The following CFLAR variants were observed in gnomAD, a reference collection of about 807,000 sequenced individuals.
CFLAR encodes CASP8 and FADD-like apoptosis regulator.
In CFLAR, 14 loss-of-function variants were observed where a neutral mutation model predicts 51.1. That is an observed-to-expected ratio of 0.27 (90% CI 0.18 to 0.43). CFLAR has a LOEUF of 0.43. Among genes scored for constraint, CFLAR ranks in the 20% least tolerant of loss-of-function variants. The pLI, the probability that CFLAR is intolerant of heterozygous loss-of-function variation, is 1.00. For missense variants in CFLAR, 390 were observed against 566.5 expected (o/e 0.69, Z 3.16); for synonymous variants, 210 against 211.6 (o/e 0.99, Z 0.06).
rs1943905711 is a variant in CFLAR, at chr2:201,169,847, A to T, written c.*5874A>T. ...ACATTTATGTGGCCAACAAACATAT[A>T]AAAAAAAGCTCAACCTTACTGATCA... On this transcript the variant is annotated 3_prime_UTR_variant, in exon 10 of 10. Transcript: ENST00000309955. 1.3e-5 allele frequency: 2 copies of T among 152,036 alleles called. No homozygotes were observed. 9.4% of individuals were successfully genotyped at this position (152,036 alleles called of 1,614,324 possible).
At position 201,149,757 on chromosome 2, in the gene CFLAR, A is replaced by G. The variant is rs1940932217; in HGVS notation, c.715A>G (p.Ile239Val). ...CATTTCTTGTCTTCCTTTCCAGAGC[A>G]TACCTGAAGAGAGATACAAGATGAA... is the stretch of plus-strand genomic sequence containing the variant. ...QESEAFLPQS[I>V]PEERYKMKSK... The change falls in exon 8 of 10, where the codon ATA becomes GTA. Residue 239 changes from isoleucine to valine, a missense_variant. This residue lies in a region of CFLAR where 287 missense variants were observed against 363.6 expected (regional missense o/e 0.79). Transcript: ENST00000309955. The G allele has an allele frequency of 6.2e-7, 1 of 1,611,896 alleles. No individual in the cohort carries two copies. The highest frequency in any genetic ancestry group is 8.5e-7 in the Non-Finnish European group (1 of 1,178,148).
intron 1 of CFLAR, chr2:201,122,575 T>TC (rs1167132264): frequency 6.6e-6 from 1 of 152,174 alleles, no homozygotes; most frequent in African/African-American, 2.4e-5. Flanking sequence ...AGCCTATCTA[T>TC]CCCCAAGGAC....
intron 1 of CFLAR, among the ~76,000 whole-genome samples, chr2:201,127,317 G>A (rs1474288538): frequency 1.3e-5 from 2 of 152,182 alleles, no homozygotes; most frequent in Non-Finnish European, 2.9e-5. Flanking sequence ...CTCAGGCAGG[G>A]TGGAGTTGGT....
At chr2:201,158,707 T>TACC (rs1389750298) in intron 8 of CFLAR, among the ~76,000 whole-genome samples, 7 of 152,144 alleles carry the variant, frequency 4.6e-5, no homozygotes, top group Admixed American at 6.5e-5. Context: ...AGGCCTCTTC[T>TACC]ACCACACAGA....
rs530708607 is a variant in CFLAR, at chr2:201,170,955, A to G, written c.*6982A>G. The G allele has an allele frequency of 6.6e-6, 1 of 152,392 alleles. No individual in the cohort carries two copies. Among genetic ancestry groups the G allele is most frequent in the South Asian group, 2.1e-4 (1 of 4,828 alleles). The allele number at this position is 152,392 out of a possible 1,614,324, so 9.4% of individuals were successfully genotyped here. ...TACTCAATATTAATTACTTACAAAT[A>G]ACCTCACCTAAACACTACTCAGCCA... On this transcript the variant is annotated 3_prime_UTR_variant, in exon 10 of 10. Coordinates refer to ENST00000309955, the MANE Select transcript of CFLAR (RefSeq NM_003879.7).
At chr2:201,136,776 A>G (rs1267451884) in intron 4 of CFLAR, 10 of 363,580 alleles carry the variant, frequency 2.8e-5, no homozygotes, top group Non-Finnish European at 4.6e-5. Flanking sequence ...TCAAAAACAG[A>G]AGAGCATTTA....
At chr2:201,123,125 A>G (rs1426009113) in intron 1 of CFLAR, among the ~76,000 whole-genome samples, 1 of 152,180 alleles carries the variant, frequency 6.6e-6, no homozygotes, top group African/African-American at 2.4e-5. Context: ...CCATGTTTCT[A>G]TATCCAATTA....
chr2:201,125,982 A>G (rs1476367438), intron 1 of CFLAR, among the ~76,000 whole-genome samples: 1 of 152,042 alleles, frequency 6.6e-6, no homozygotes, highest in African/African-American at 2.4e-5. Context: ...GTCAGGAGGG[A>G]AAAAGGCCAG....
Position 201,175,102 on chromosome 2 carries a change from G to C in CFLAR, c.*11129G>C, listed in dbSNP as rs1944149926. 6.6e-6 allele frequency: 1 copy of C among 152,208 alleles called. No individual in the cohort carries two copies. The highest frequency in any genetic ancestry group is 2.4e-5 in the African/African-American group (1 of 41,440). 9.4% of individuals were successfully genotyped at this position (152,208 alleles called of 1,614,324 possible). A position where few individuals can be genotyped will look rare whatever the true frequency, so the allele number is the denominator to read the frequency against. Reference sequence around the variant, plus strand: ...TCTTTCCTGGAAAACTCATGAATAAGCCACCTCTTGTTTAGCGTATAGTCA... The same window carrying C: ...TCTTTCCTGGAAAACTCATGAATAACCCACCTCTTGTTTAGCGTATAGTCA... On this transcript the variant is annotated 3_prime_UTR_variant, in exon 10 of 10. Coordinates refer to ENST00000309955, the MANE Select transcript of CFLAR (RefSeq NM_003879.7).
chr2:201,158,852 C>CATTATT (rs61427822), intron 8 of CFLAR, among the ~76,000 whole-genome samples: 3,579 of 139,578 alleles, frequency 0.026, 72 homozygotes, highest in Middle Eastern at 0.056. Flanking sequence ...TTGCCCTCAT[C>CATTATT]ATTATTATTA....
intron 4 of CFLAR, 50 bp downstream of exon 4, chr2:201,136,157 G>A (rs1267874136): frequency 6.2e-7 from 1 of 1,612,628 alleles, no homozygotes; most frequent in African/African-American, 1.3e-5. Context: ...CTGTGCATGG[G>A]GGTGGGCATC....
At chr2:201,125,825 C>T (rs1198935493) in intron 1 of CFLAR, among the ~76,000 whole-genome samples, 2 of 152,116 alleles carry the variant, frequency 1.3e-5, no homozygotes, top group Non-Finnish European at 2.9e-5. Context: ...TCTCTTCTCC[C>T]TTCCTTCGGA....
At position 201,130,359 on chromosome 2, in the gene CFLAR, T is replaced by TC. The variant is rs748796187; in HGVS notation, c.281+213_281+214insC. On this transcript the variant is annotated intron_variant, in intron 2 of 9. Coordinates refer to ENST00000309955, the MANE Select transcript of CFLAR (RefSeq NM_003879.7). ...GCTTTCTTTTTCTTTCTTTCTTTTT[T>TC]TTTTTTTTTTTTTTTTTTTTGAGAC... is the stretch of plus-strand genomic sequence containing the variant. 7.3e-4 allele frequency among the ~76,000 whole-genome samples: 91 copies of TC among 124,442 alleles called. 2 individuals are homozygous for TC. The highest frequency in any genetic ancestry group is 9.2e-4 in the Non-Finnish European group (55 of 59,570). 81.6% of individuals were successfully genotyped at this position (124,442 alleles called of 152,430 possible). A position where few individuals can be genotyped will look rare whatever the true frequency, so the allele number is the denominator to read the frequency against.
intron 8 of CFLAR, among the ~76,000 whole-genome samples, chr2:201,154,919 G>T (rs967505010): frequency 2.0e-5 from 3 of 152,262 alleles, no homozygotes; most frequent in Non-Finnish European, 2.9e-5. Context: ...ATGAAATAAG[G>T]TTATTCTTTG....
intron 9 of CFLAR, chr2:201,163,087 C>A: frequency 1.3e-6 from 1 of 751,986 alleles, no homozygotes; most frequent in South Asian, 1.4e-5. Flanking sequence ...ATAGGATGGT[C>A]ATATCAGCTT....
In CFLAR at chr2:201,124,291, C is replaced by T. The variant is rs1048437634; in HGVS notation, c.-137-5438C>T. ...CACCTGGTTAGGGCTAATGTGGGTACCAGGGAAGTGTGTTAAGTGCTTCAA... is the reference window on the plus strand; with the variant it reads ...CACCTGGTTAGGGCTAATGTGGGTATCAGGGAAGTGTGTTAAGTGCTTCAA... On this transcript the variant is annotated intron_variant, in intron 1 of 9. Transcript: ENST00000309955. The surrounding 1 kb of genome is among the most constrained non-coding windows in gnomAD (Gnocchi z 4.7). Among the ~76,000 whole-genome samples, 1 of 152,150 alleles carries T rather than the reference C, an allele frequency of 6.6e-6. No individual in the cohort carries two copies. The highest frequency in any genetic ancestry group is 2.4e-5 in the African/African-American group (1 of 41,434).
At chr2:201,161,738 C>CTTTTTTT (rs3044256) in intron 9 of CFLAR, among the ~76,000 whole-genome samples, 3 of 101,270 alleles carry the variant, frequency 3.0e-5, no homozygotes, top group African/African-American at 7.3e-5. Context: ...TTTAATTTTT[C>CTTTTTTT]TTTTTTTTTT....
At chr2:201,130,187 G>GGGGGGGGGGCA in intron 2 of CFLAR, 41 bp downstream of exon 2, 4 of 292,384 alleles carry the variant, frequency 1.4e-5, no homozygotes, top group Non-Finnish European at 2.9e-5. Flanking sequence ...GGGTGGGAGG[G>GGGGGGGGGGCA]AGTGAAGTGT....
rs1944072466 is a variant in CFLAR, at chr2:201,172,366, G to A, written c.*8393G>A. 1 of 152,162 alleles carries A rather than the reference G, an allele frequency of 6.6e-6. No individual in the cohort carries two copies. Among genetic ancestry groups the A allele is most frequent in the South Asian group, 2.1e-4 (1 of 4,828 alleles). The allele number at this position is 152,162 out of a possible 1,614,324, so 9.4% of individuals were successfully genotyped here. On this transcript the variant is annotated 3_prime_UTR_variant, in exon 10 of 10. Transcript: ENST00000309955. Reference sequence around the variant, plus strand: ...TTTATATTGGAAGTGTAAGTAGTTTGTGGCATGGGATTGTGACATATCCTA... The same window carrying A: ...TTTATATTGGAAGTGTAAGTAGTTTATGGCATGGGATTGTGACATATCCTA...
Sources: allele counts gnomAD v4.1 joint callset (sites outside exome capture counted in the v4.1 genomes callset), GRCh38; gene constraint gnomAD v4.1.1; regional missense constraint gnomAD v4.1.1; non-coding constraint Gnocchi (gnomAD v3.1); transcripts MANE v1.5; gene names NCBI Gene and HGNC (gene_info 2026-07-23, HGNC 2026-07-21).